Variants in PCDHGA4 observed in about 807,000 individuals in gnomAD.
The protein encoded by PCDHGA4 is protocadherin gamma subfamily A, 4.
Under a neutral mutation model 54.6 loss-of-function variants are expected in PCDHGA4, and 38 were observed. The observed-to-expected ratio is 0.70, with a 90% CI of 0.54 to 0.91. PCDHGA4 has a LOEUF of 0.91. Ranked by LOEUF, PCDHGA4 falls within the 40% of genes least tolerant of loss-of-function variation. The pLI is 0.00. For synonymous variants in PCDHGA4, 511 were observed against 512.9 expected (o/e 1.00, Z 0.05); for missense variants, 1,298 against 1,220.9 (o/e 1.06, Z -0.94).
chr5:141,460,833 T>G (rs541553903), intron 1 of PCDHGA4, among the ~76,000 whole-genome samples: 2 of 151,928 alleles, frequency 1.3e-5, no homozygotes, highest in African/African-American at 4.8e-5. Flanking sequence ...ACACTTAAAG[T>G]AATGGCCTCC....
chr5:141,474,579 G>A (rs1340685342), intron 1 of PCDHGA4, among the ~76,000 whole-genome samples: 3 of 152,196 alleles, frequency 2.0e-5, no homozygotes, highest in Non-Finnish European at 4.4e-5. Flanking sequence ...TAATTGAAGT[G>A]TTAAAGACAT....
In PCDHGA4 at chr5:141,395,547, TGTGTGTGTGTGTGTG is replaced by T. The variant is rs2093269943; in HGVS notation, c.2514+37927_2514+37941del. On this transcript the variant is annotated intron_variant, in intron 1 of 3. Coordinates refer to ENST00000571252, the MANE Select transcript of PCDHGA4 (RefSeq NM_018917.4). ...ACTGGTAATTTTGCTATTGTTTGTG[TGTGTGTGTGTGTGTG>T]TGTGTGTGTGTGTGTGTGTGTGTGT... 2.2e-3 allele frequency: 375 copies of T among 174,268 alleles called. 18 individuals carry two copies. The highest frequency in any genetic ancestry group is 5.2e-3 in the East Asian group (33 of 6,366). 10.8% of individuals were successfully genotyped at this position (174,268 alleles called of 1,614,324 possible). A position where few individuals can be genotyped will look rare whatever the true frequency, so the allele number is the denominator to read the frequency against.
intron 1 of PCDHGA4, among the ~76,000 whole-genome samples, chr5:141,373,247 G>A (rs558862045): frequency 1.3e-5 from 2 of 152,208 alleles, no homozygotes; most frequent in African/African-American, 4.8e-5. Context: ...ACTTCCCTTT[G>A]CATGTTTTTA....
intron 1 of PCDHGA4, chr5:141,394,415 C>G: frequency 6.2e-7 from 1 of 1,614,242 alleles, no homozygotes; most frequent in Non-Finnish European, 8.5e-7. Flanking sequence ...TGGTAACAGC[C>G]AGCGACAGCG....
chr5:141,489,150 T>C lies in PCDHGA4; in HGVS notation c.2515-5657T>C. The C allele has an allele frequency of 1.7e-5, 15 of 862,654 alleles. No individual in the cohort carries two copies. Among genetic ancestry groups the C allele is most frequent in the Middle Eastern group, 2.5e-4 (1 of 4,044 alleles). 53.4% of individuals were successfully genotyped at this position (862,654 alleles called of 1,614,324 possible). On this transcript the variant is annotated intron_variant, in intron 1 of 3. Transcript: ENST00000571252. The surrounding 1 kb of genome is among the most constrained non-coding windows in gnomAD (Gnocchi z 4.5). ...GTTTTTAAGAGGCTGGAAGGAGACA[T>C]AAGAGACTTCAGCTGCTGCATTCCA...
intron 1 of PCDHGA4, chr5:141,361,002 A>T (rs1235404407): frequency 6.2e-7 from 1 of 1,613,380 alleles, no homozygotes; most frequent in African/African-American, 1.3e-5. Context: ...AACAAGTGAA[A>T]CACTTTTTCA....
chr5:141,370,281 A>G lies in PCDHGA4; in HGVS notation c.2514+12660A>G, dbSNP rs184302654. The G allele has an allele frequency of 3.3e-5, 30 of 916,904 alleles. No individual in the cohort carries two copies. In the Admixed American group the frequency reaches 8.3e-4, roughly 25 times the overall value. 56.8% of individuals were successfully genotyped at this position (916,904 alleles called of 1,614,324 possible). On this transcript the variant is annotated intron_variant, in intron 1 of 3. Coordinates refer to ENST00000571252, the MANE Select transcript of PCDHGA4 (RefSeq NM_018917.4). ...GCTTCCTGCAGCGGAGACACCCATTAGAGAACCCAAGCACAAAGACAAAGC... is the reference window on the plus strand; with the variant it reads ...GCTTCCTGCAGCGGAGACACCCATTGGAGAACCCAAGCACAAAGACAAAGC...
chr5:141,399,659 T>A (rs1277891886), intron 1 of PCDHGA4: 1 of 1,613,684 alleles, frequency 6.2e-7, no homozygotes, highest in African/African-American at 1.3e-5. Flanking sequence ...GGGGTGGTGT[T>A]CGCGCAGCGC....
At chr5:141,377,717 T>C (rs1025721438) in intron 1 of PCDHGA4, 1 of 152,222 alleles carries the variant, frequency 6.6e-6, no homozygotes, top group African/African-American at 2.4e-5. Context: ...AAATTATTTT[T>C]GAAAAGATAA....
intron 1 of PCDHGA4, chr5:141,365,066 G>A (rs1763717164): frequency 2.5e-6 from 4 of 1,613,774 alleles, no homozygotes; most frequent in African/African-American, 1.3e-5. Flanking sequence ...CACCCCATCC[G>A]AGTACAGCGT....
chr5:141,380,470 G>A (rs755352560), intron 1 of PCDHGA4, among the ~76,000 whole-genome samples: 27 of 152,140 alleles, frequency 1.8e-4, no homozygotes, highest in Non-Finnish European at 3.4e-4. Flanking sequence ...AAATGGTCAG[G>A]ATTCTTCCCA....
At chr5:141,409,878 C>T in intron 1 of PCDHGA4, 4 of 1,612,952 alleles carry the variant, frequency 2.5e-6, no homozygotes, top group Middle Eastern at 1.6e-4. Flanking sequence ...AATGACAACG[C>T]ACCGCGGGTG....
At chr5:141,418,171 G>A (rs2096234086) in intron 1 of PCDHGA4, 1 of 1,613,952 alleles carries the variant, frequency 6.2e-7, no homozygotes, top group African/African-American at 1.3e-5. Flanking sequence ...GATGTGAGTT[G>A]CAATTGGAAG....
In PCDHGA4 at chr5:141,393,830, T is replaced by C. The variant is rs926004105; in HGVS notation, c.2514+36209T>C. The C allele has an allele frequency of 1.7e-5, 27 of 1,613,872 alleles. No homozygotes were observed. In the African/African-American group the frequency reaches 3.2e-4, roughly 19 times the overall value. On this transcript the variant is annotated intron_variant, in intron 1 of 3. Coordinates refer to ENST00000571252, the MANE Select transcript of PCDHGA4 (RefSeq NM_018917.4). ...CCAAATTGCTCATTTCGGTGGAAGA[T>C]GTAAATGACAATAGACCAGAAGTGA... is the stretch of plus-strand genomic sequence containing the variant.
intron 1 of PCDHGA4, chr5:141,441,940 G>T (rs2098285664): frequency 5.9e-6 from 2 of 341,298 alleles, no homozygotes; most frequent in Non-Finnish European, 1.1e-5. Flanking sequence ...GTCCTACCAC[G>T]TGCTGCAGGC....
chr5:141,423,672 T>A, intron 1 of PCDHGA4: 2 of 1,549,982 alleles, frequency 1.3e-6, no homozygotes, highest in Non-Finnish European at 1.7e-6. Context: ...TGAGATTTAT[T>A]TCTCTGCCTC....
At chr5:141,433,225 GCT>G in intron 1 of PCDHGA4, 1 of 1,517,048 alleles carries the variant, frequency 6.6e-7, no homozygotes, top group African/African-American at 1.4e-5. Context: ...TTTTTTAATT[GCT>G]CTGTCTCCCA....
intron 1 of PCDHGA4, among the ~76,000 whole-genome samples, chr5:141,459,221 G>A (rs1028895845): frequency 9.2e-5 from 14 of 152,154 alleles, no homozygotes; most frequent in African/African-American, 3.1e-4. Flanking sequence ...TCCAGCTCCA[G>A]GCAACAACTG....
intron 1 of PCDHGA4, chr5:141,478,592 TC>T: frequency 6.4e-7 from 1 of 1,570,334 alleles, no homozygotes; most frequent in Non-Finnish European, 8.6e-7. Flanking sequence ...GCTTTTTTAT[TC>T]CTACATCATA....
Sources: gnomAD v4.1 joint callset for allele counts (sites outside exome capture counted in the v4.1 genomes callset) on GRCh38, gnomAD v4.1.1 for gene constraint, Gnocchi (gnomAD v3.1) non-coding constraint, MANE v1.5 for transcripts, NCBI Gene and HGNC (gene_info 2026-07-23, HGNC 2026-07-21) for gene names.